Variants in AK5 observed in about 807,000 individuals in gnomAD.
AK5 encodes the protein adenylate kinase isoenzyme 5.
AK5 carries 27 observed loss-of-function variants against 69.5 expected under a neutral mutation model. The ratio of observed to expected loss-of-function variants is 0.39; its 90% CI spans 0.29 to 0.54. AK5 has a LOEUF of 0.54. Among genes scored for constraint, AK5 ranks in the 20% least tolerant of loss-of-function variants. The pLI is 0.71. For synonymous variants in AK5, 260 were observed against 244.4 expected (o/e 1.06, Z -0.60); for missense variants, 531 against 700.4 (o/e 0.76, Z 2.73).
At chr1:77,369,002 G>A (rs892134469) in intron 6 of AK5, among the ~76,000 whole-genome samples, 2 of 152,096 alleles carry the variant, frequency 1.3e-5, no homozygotes, top group African/African-American at 4.8e-5. Flanking sequence ...CAAAGTGTTT[G>A]AGATGATGGA....
At position 77,364,530 on chromosome 1, in the gene AK5, C is replaced by T. The variant is rs1418930864; in HGVS notation, c.891+23962C>T. ...ACAAATCTCTGTATCATCCCCTTCC[C>T]CCTACTCTTCCTGGCCTCTAGCATC... On this transcript the variant is annotated intron_variant, in intron 6 of 13. Transcript: ENST00000354567. Among the ~76,000 whole-genome samples, 3 of 152,122 alleles carry T rather than the reference C, an allele frequency of 2.0e-5. No individual in the cohort carries two copies. In the East Asian group the frequency reaches 5.8e-4, roughly 29 times the overall value.
chr1:77,350,117 T>G (rs1239643736), intron 6 of AK5, among the ~76,000 whole-genome samples: 1 of 152,186 alleles, frequency 6.6e-6, no homozygotes, highest in Non-Finnish European at 1.5e-5. Context: ...AGATCCTGTC[T>G]TCAGGGAGTT....
intron 12 of AK5, among the ~76,000 whole-genome samples, chr1:77,531,506 A>T (rs572432234): frequency 1.3e-5 from 2 of 152,270 alleles, no homozygotes; most frequent in East Asian, 3.9e-4. Context: ...AAGGTTCTCC[A>T]AGTCCCCACC....
At chr1:77,287,168 G>A (rs370596240) in intron 2 of AK5, 41 bp downstream of exon 2, 3 of 1,364,278 alleles carry the variant, frequency 2.2e-6, no homozygotes, top group African/African-American at 3.0e-5. Flanking sequence ...TATAGTTATA[G>A]CAATTCTCTT....
At chr1:77,442,099 T>G (rs1652367042) in intron 8 of AK5, among the ~76,000 whole-genome samples, 1 of 152,100 alleles carries the variant, frequency 6.6e-6, no homozygotes, top group African/African-American at 2.4e-5. Flanking sequence ...TAGGGCTTGG[T>G]GGCAACTCGG....
chr1:77,434,901 A>G (rs898165564), intron 8 of AK5, among the ~76,000 whole-genome samples: 6 of 152,226 alleles, frequency 3.9e-5, no homozygotes, highest in African/African-American at 1.4e-4. Context: ...TACCTTGAGC[A>G]GAGGAATACA....
At chr1:77,293,394 A>G (rs917976267) in intron 2 of AK5, 1 of 159,358 alleles carries the variant, frequency 6.3e-6, no homozygotes, top group African/African-American at 2.4e-5. Context: ...AGAGGCCACG[A>G]TGTATACAAC....
intron 5 of AK5, among the ~76,000 whole-genome samples, chr1:77,317,262 C>T (rs1660291143): frequency 6.6e-6 from 1 of 152,126 alleles, no homozygotes; most frequent in African/African-American, 2.4e-5. Flanking sequence ...CATAGCAGCT[C>T]AGGGCTCTAA....
At chr1:77,451,608 T>C (rs1045265974) in intron 8 of AK5, among the ~76,000 whole-genome samples, 54 of 152,210 alleles carry the variant, frequency 3.5e-4, no homozygotes, top group African/African-American at 1.3e-3. Context: ...TGAATCTCAA[T>C]TTGCACATGT....
chr1:77,361,836 C>A (rs1452691122), intron 6 of AK5, among the ~76,000 whole-genome samples: 1 of 152,104 alleles, frequency 6.6e-6, no homozygotes, highest in Non-Finnish European at 1.5e-5. Context: ...ACATCCTCAC[C>A]CCCGCCGTAA....
chr1:77,430,492 T>C (rs769483927), intron 8 of AK5, among the ~76,000 whole-genome samples: 4 of 152,204 alleles, frequency 2.6e-5, no homozygotes, highest in Non-Finnish European at 5.9e-5. Flanking sequence ...AGCAATTAAA[T>C]ATATAGGTCT....
chr1:77,295,243 G>A (rs1570327362), intron 3 of AK5, among the ~76,000 whole-genome samples: 1 of 152,258 alleles, frequency 6.6e-6, no homozygotes, highest in East Asian at 1.9e-4. Flanking sequence ...CCCCATGCAA[G>A]GAAGTAGTGC....
chr1:77,501,060 A>G (rs909833978), intron 10 of AK5, among the ~76,000 whole-genome samples: 1 of 152,172 alleles, frequency 6.6e-6, no homozygotes, highest in Non-Finnish European at 1.5e-5. Flanking sequence ...TCTTCCTAGA[A>G]AAGCTGAGAA....
At position 77,313,270 on chromosome 1, in the gene AK5, C is replaced by G. The variant is rs565605859; in HGVS notation, c.699+15323C>G. On this transcript the variant is annotated intron_variant, in intron 5 of 13. Coordinates refer to ENST00000354567, the MANE Select transcript of AK5 (RefSeq NM_174858.3). The stretch of plus-strand genomic sequence containing the variant: ...AAACCAAGGCTCAGATGATAACTTG[C>G]TTAAAGCCACCAGCAGGCAAGAACA... 2.0e-5 allele frequency among the ~76,000 whole-genome samples: 3 copies of G among 152,182 alleles called. No individual in the cohort carries two copies. The East Asian group carries it at 5.8e-4, about 29-fold the overall frequency.
At chr1:77,320,603 G>C (rs190999015) in intron 5 of AK5, among the ~76,000 whole-genome samples, 17 of 152,118 alleles carry the variant, frequency 1.1e-4, no homozygotes, top group Non-Finnish European at 2.2e-4. Flanking sequence ...ACAAAAATTA[G>C]CCAGGTATGG....
chr1:77,428,414 C>T (rs777982251), intron 8 of AK5, among the ~76,000 whole-genome samples: 3 of 152,056 alleles, frequency 2.0e-5, no homozygotes, highest in Non-Finnish European at 4.4e-5. Flanking sequence ...GAACAAATGC[C>T]CCATCAATAA....
At position 77,503,531 on chromosome 1, in the gene AK5, T is replaced by C. The variant is rs188587398; in HGVS notation, c.1148-15033T>C. On this transcript the variant is annotated intron_variant, in intron 10 of 13. Transcript: ENST00000354567. ...TTTAACAAGAATTTGTAAAGGGTTATAAAAGGTTTATGAGAAGCTCACCTT... is the reference window on the plus strand; with the variant it reads ...TTTAACAAGAATTTGTAAAGGGTTACAAAAGGTTTATGAGAAGCTCACCTT... Among the ~76,000 whole-genome samples the C allele has an allele frequency of 5.0e-3, 766 of 152,338 alleles. 2 individuals carry two copies. The highest frequency in any genetic ancestry group is 7.9e-3 in the Non-Finnish European group (535 of 68,034).
intron 12 of AK5, among the ~76,000 whole-genome samples, chr1:77,525,114 G>A (rs59447555): frequency 0.093 from 14,093 of 152,138 alleles, 1,280 homozygotes; most frequent in African/African-American, 0.23. Context: ...TCACCATGTT[G>A]CCCAGGCTTG....
At chr1:77,372,812 C>T (rs1647146331) in intron 6 of AK5, among the ~76,000 whole-genome samples, 1 of 151,488 alleles carries the variant, frequency 6.6e-6, no homozygotes, top group African/African-American at 2.4e-5. Flanking sequence ...ATGAAAGCAT[C>T]TTGTATATAT....
Sources: gnomAD v4.1 joint callset for allele counts (sites outside exome capture counted in the v4.1 genomes callset) on GRCh38, gnomAD v4.1.1 for gene constraint, MANE v1.5 for transcripts, NCBI Gene and HGNC (gene_info 2026-07-23, HGNC 2026-07-21) for gene names.